Variants in CCDC8 observed in about 807,000 individuals in gnomAD.
CCDC8 encodes the protein coiled-coil domain containing 8 subunit of 3M complex, also known as coiled-coil domain-containing protein 8.
CCDC8 carries 6 observed loss-of-function variants against 5.2 expected under a neutral mutation model. The ratio of observed to expected loss-of-function variants is 1.16; its 90% CI spans 0.63 to 2.28. CCDC8 has a LOEUF of 2.28. Among genes scored for constraint, CCDC8 ranks in the 30% most tolerant of loss-of-function variants. The pLI, the probability that CCDC8 is intolerant of heterozygous loss-of-function variation, is 0.00. For synonymous variants in CCDC8, 310 were observed against 286.5 expected (o/e 1.08, Z -0.83); for missense variants, 724 against 712.2 (o/e 1.02, Z -0.19).
Position 46,413,050 on chromosome 19 carries a change from C to T in CCDC8, c.-240G>A. On this transcript the variant is annotated 5_prime_UTR_variant, in exon 1 of 1. Transcript: ENST00000307522. ...ATATCTGGGGTGAGGGGGCAATGAG[C>T]CCCAACAAACTACTGTAGCCCTTAG... The T allele has an allele frequency of 1.7e-6, 1 of 603,434 alleles. No homozygotes were observed. Among genetic ancestry groups the T allele is most frequent in the Non-Finnish European group, 3.0e-6 (1 of 329,448 alleles). 37.4% of individuals were successfully genotyped at this position (603,434 alleles called of 1,614,324 possible).
At position 46,410,349 on chromosome 19, in the gene CCDC8, T is replaced by G. The variant is rs1304501121; in HGVS notation, c.*845A>C. ...ACCGCTAGCAAATCCACACCTCTGG[T>G]GCCGAGGGCCCCAGAATCTGTGTTT... On this transcript the variant is annotated 3_prime_UTR_variant, in exon 1 of 1. Transcript: ENST00000307522. 2 of 152,184 alleles carry G rather than the reference T, an allele frequency of 1.3e-5. No homozygotes were observed. The highest frequency in any genetic ancestry group is 4.8e-5 in the African/African-American group (2 of 41,436). 9.4% of individuals were successfully genotyped at this position (152,184 alleles called of 1,614,324 possible).
chr19:46,412,479 T>G lies in CCDC8; in HGVS notation c.332A>C (p.Glu111Ala), dbSNP rs1973246293. The change falls in exon 1 of 1, where the codon GAG becomes GCG. Residue 111 changes from glutamate to alanine, a missense_variant. Transcript: ENST00000307522. This position sits in a 1 kb window ranked among gnomAD's most constrained non-coding sequence, Gnocchi z 4.7. ...CTGGCGGCTCTTGTCTCTGGAGGTC[T>G]CGAAGTCGCTGAACTCGCTGTCGCT... ...NASDSEFSDFETSRDKSRQGP... is the reference protein window; with the variant it reads ...NASDSEFSDFATSRDKSRQGP... The G allele has an allele frequency of 6.2e-7, 1 of 1,609,318 alleles. No homozygotes were observed. The highest frequency in any genetic ancestry group is 1.7e-5 in the Admixed American group (1 of 60,008).
In CCDC8 at chr19:46,412,232, C is replaced by A; in HGVS notation, c.579G>T (p.Arg193Ser). 6.2e-7 allele frequency: 1 copy of A among 1,600,768 alleles called. No homozygotes were observed. Among genetic ancestry groups the A allele is most frequent in the Non-Finnish European group, 8.5e-7 (1 of 1,179,866 alleles). Residue 193 changes from arginine (R) to serine (S), a missense_variant, in exon 1 of 1, where the codon AGG (arginine) becomes AGT (serine). Arg to Ser is a moderately radical substitution (Grantham distance 110, BLOSUM62 -1). Transcript: ENST00000307522. This position sits in a 1 kb window ranked among gnomAD's most constrained non-coding sequence, Gnocchi z 4.7. ...NLGPQLSKADRWREYVSQVSW... is the reference protein window; with the variant it reads ...NLGPQLSKADSWREYVSQVSW... The stretch of plus-strand genomic sequence containing the variant: ...ACACCTGGCTGACATACTCCCGCCA[C>A]CTGTCCGCTTTGGACAGCTGAGGCC...
Position 46,412,430 on chromosome 19 carries a change from C to T in CCDC8, c.381G>A (p.Val127=), listed in dbSNP as rs1156790354. Residue 127 remains valine, a synonymous_variant, in exon 1 of 1, where the codon GTG becomes GTA. Coordinates refer to ENST00000307522, the MANE Select transcript of CCDC8 (RefSeq NM_032040.5). The surrounding 1 kb of genome is among the most constrained non-coding windows in gnomAD (Gnocchi z 4.7). The stretch of plus-strand genomic sequence containing the variant: ...CCAGGTAGCTGACGGGCATTTTGCG[C>T]ACCTTCTTGCCCCGCCGCGGGCCCT... ...SRQGPRRGKK[V]RKMPVSYLGS... 17 of 1,612,776 alleles carry T rather than the reference C, an allele frequency of 1.1e-5. No individual in the cohort carries two copies. Among genetic ancestry groups the T allele is most frequent in the Non-Finnish European group, 1.4e-5 (17 of 1,179,994 alleles).
In CCDC8 at chr19:46,412,094, C is replaced by G; in HGVS notation, c.717G>C (p.Ala239=). 6.3e-7 allele frequency: 1 copy of G among 1,599,542 alleles called. No individual in the cohort carries two copies. Among genetic ancestry groups the G allele is most frequent in the Non-Finnish European group, 8.5e-7 (1 of 1,179,960 alleles). The change falls in exon 1 of 1, where the codon GCG becomes GCC. Residue 239 remains alanine (A), a synonymous_variant. Coordinates refer to ENST00000307522, the MANE Select transcript of CCDC8 (RefSeq NM_032040.5). This position sits in a 1 kb window ranked among gnomAD's most constrained non-coding sequence, Gnocchi z 4.7. ...GATCCCCCGGGCTGGTGCCCTCTGG[C>G]GCCGATGATACCCCTGCGCTCTCCA... is the stretch of plus-strand genomic sequence containing the variant. ...TAVESAGVSS[A]PEGTSPGDRL...
At position 46,412,757 on chromosome 19, in the gene CCDC8, C is replaced by A. The variant is rs749470916; in HGVS notation, c.54G>T (p.Arg18Ser). The A allele has an allele frequency of 1.1e-5, 18 of 1,613,990 alleles. No individual in the cohort carries two copies. In the South Asian group the frequency reaches 1.9e-4, roughly 17 times the overall value. ...TGACTCTCCAGACGCCCCCAGCCAG[C>A]CTGACCTCCCGGGGGATGAGCAAAT... ...VDYLLIPREV[R>S]LAGGVWRVIS... The change falls in exon 1 of 1, where the codon AGG becomes AGT. Residue 18 changes from arginine (R) to serine (S), a missense_variant. Transcript: ENST00000307522. The surrounding 1 kb of genome is among the most constrained non-coding windows in gnomAD (Gnocchi z 4.7).
rs1380606214 is a variant in CCDC8, at chr19:46,411,348, C to A, written c.1463G>T (p.Trp488Leu). The stretch of plus-strand genomic sequence containing the variant: ...GAAGGCTCTCCGGCGCTTGCAAAAC[C>A]ACGAAAAGCGTCCAGGGGTCTGGAA... ...VRFQTPGRFS[W>L]FCKRRRAFWH... Residue 488 changes from tryptophan to leucine, a missense_variant, in exon 1 of 1, where the codon TGG (tryptophan) becomes TTG (leucine). Trp to Leu is a moderately conservative substitution (Grantham distance 61). Coordinates refer to ENST00000307522, the MANE Select transcript of CCDC8 (RefSeq NM_032040.5). The A allele has an allele frequency of 1.2e-6, 2 of 1,614,094 alleles. No individual in the cohort carries two copies. Among genetic ancestry groups the A allele is most frequent in the Non-Finnish European group, 1.7e-6 (2 of 1,180,042 alleles).
At position 46,412,320 on chromosome 19, in the gene CCDC8, G is replaced by C. The variant is rs1973243462; in HGVS notation, c.491C>G (p.Pro164Arg). ...EAFLRRQEKQPSAPPARRRVN... is the reference protein window; with the variant it reads ...EAFLRRQEKQRSAPPARRRVN... ...GCGGCGGCGGGCAGGCGGCGCGCTG[G>C]GCTGCTTCTCCTGTCGCCGGAGGAA... Residue 164 changes from proline (P) to arginine (R), a missense_variant, in exon 1 of 1, where the codon CCC becomes CGC. Transcript: ENST00000307522. The surrounding 1 kb of genome is among the most constrained non-coding windows in gnomAD (Gnocchi z 4.7). 25 of 1,611,660 alleles carry C rather than the reference G, an allele frequency of 1.6e-5. No individual in the cohort carries two copies. Among genetic ancestry groups the C allele is most frequent in the Non-Finnish European group, 1.9e-5 (22 of 1,179,952 alleles).
Position 46,412,586 on chromosome 19 carries a change from C to T in CCDC8, c.225G>A (p.Glu75=), listed in dbSNP as rs1489935650. The change falls in exon 1 of 1, where the codon GAG becomes GAA. Residue 75 remains glutamate, a synonymous_variant. Transcript: ENST00000307522. The surrounding 1 kb of genome is among the most constrained non-coding windows in gnomAD (Gnocchi z 4.7). The part of the protein sequence containing the change: ...HPPQPPKKPK[E]PRVRRRVQQM... Reference sequence around the variant, plus strand: ...GCTGCACTCTCCTCCTCACTCGGGGCTCCTTGGGCTTTTTGGGGGGCTGGG... The same window carrying T: ...GCTGCACTCTCCTCCTCACTCGGGGTTCCTTGGGCTTTTTGGGGGGCTGGG... 4 of 1,603,346 alleles carry T rather than the reference C, an allele frequency of 2.5e-6. No homozygotes were observed. The highest frequency in any genetic ancestry group is 2.7e-5 in the African/African-American group (2 of 74,582).
At position 46,411,468 on chromosome 19, in the gene CCDC8, G is replaced by A. The variant is rs1568588972; in HGVS notation, c.1343C>T (p.Ala448Val). ...AEAAHNQRAG[A>V]PGIQEAEVSA... is the part of the protein sequence containing the mutation. ...GACTTCAGCTTCCTGGATACCTGGG[G>A]CCCCTGCCCTCTGATTATGTGCAGC... The change falls in exon 1 of 1, where the codon GCC becomes GTC. Residue 448 changes from alanine to valine, a missense_variant. Physicochemically the swap from Ala to Val is moderately conservative, Grantham distance 64 (BLOSUM62 0). Coordinates refer to ENST00000307522, the MANE Select transcript of CCDC8 (RefSeq NM_032040.5). The A allele has an allele frequency of 6.2e-7, 1 of 1,614,170 alleles. No individual in the cohort carries two copies. The highest frequency in any genetic ancestry group is 1.1e-5 in the South Asian group (1 of 91,084).
chr19:46,410,909 C>G lies in CCDC8; in HGVS notation c.*285G>C, dbSNP rs1159931290. On this transcript the variant is annotated 3_prime_UTR_variant, in exon 1 of 1. Coordinates refer to ENST00000307522, the MANE Select transcript of CCDC8 (RefSeq NM_032040.5). ...TGGTGGCTCACATCTGTAATCCCAG[C>G]ATTTTGGGAGGCCGAGGCAGGAGGA... 1 of 391,128 alleles carries G rather than the reference C, an allele frequency of 2.6e-6. No homozygotes were observed. The highest frequency in any genetic ancestry group is 2.0e-5 in the African/African-American group (1 of 49,416). The allele number at this position is 391,128 out of a possible 1,614,324, so 24.2% of individuals were successfully genotyped here.
Position 46,413,040 on chromosome 19 carries a change from G to A in CCDC8, c.-230C>T, listed in dbSNP as rs993855259. On this transcript the variant is annotated 5_prime_UTR_variant, in exon 1 of 1. Transcript: ENST00000307522. ...CTCCAGGGTGATATCTGGGGTGAGG[G>A]GGCAATGAGCCCCAACAAACTACTG... 4.5e-5 allele frequency: 28 copies of A among 616,502 alleles called. No individual in the cohort carries two copies. The African/African-American group carries it at 4.8e-4, about 11-fold the overall frequency. The allele number at this position is 616,502 out of a possible 1,614,324, so 38.2% of individuals were successfully genotyped here. A position where few individuals can be genotyped will look rare whatever the true frequency, so the allele number is the denominator to read the frequency against.
At position 46,411,233 on chromosome 19, in the gene CCDC8, T is replaced by A. The variant is rs775205738; in HGVS notation, c.1578A>T (p.Arg526Ser). 6.2e-7 allele frequency: 1 copy of A among 1,614,168 alleles called. No homozygotes were observed. The change falls in exon 1 of 1, where the codon AGA (arginine) becomes AGT (serine). Residue 526 changes from arginine (R) to serine (S), a missense_variant. By Grantham distance (110) the Arg-to-Ser change is moderately radical. Transcript: ENST00000307522. ...CTTGCTCTCCCTGCTCAGCTTCTGC[T>A]CTGGCCTCGGCCCTCAGCACCCTGA... ...RNLRVLRAEA[R>S]AEAEQGEQED...
At position 46,411,027 on chromosome 19, in the gene CCDC8, A is replaced by T. The variant is rs551419868; in HGVS notation, c.*167T>A. On this transcript the variant is annotated 3_prime_UTR_variant, in exon 1 of 1. Coordinates refer to ENST00000307522, the MANE Select transcript of CCDC8 (RefSeq NM_032040.5). ...ACAGAGTGAGACCCTGTCTCTAAAA[A>T]ATTTAAAAAAAAATCAAAGCATGAA... is the stretch of plus-strand genomic sequence containing the variant. 4.7e-6 allele frequency: 4 copies of T among 843,424 alleles called. No individual in the cohort carries two copies. In the South Asian group the frequency reaches 5.3e-5, roughly 11 times the overall value. The allele number at this position is 843,424 out of a possible 1,614,324, so 52.2% of individuals were successfully genotyped here.
Position 46,411,612 on chromosome 19 carries a change from C to G in CCDC8, c.1199G>C (p.Gly400Ala). ...CCTTTGATTATCTGTAACCTCTGAC[C>G]CCTGGTCAGCTGGGGCCTCCGCCCT... ...NQRAEAPADQGSEVTDNQREE... is the reference protein window; with the variant it reads ...NQRAEAPADQASEVTDNQREE... Residue 400 changes from glycine (G) to alanine (A), a missense_variant, in exon 1 of 1, where the codon GGG becomes GCG. By Grantham distance (60) the Gly-to-Ala change is moderately conservative. Transcript: ENST00000307522. 1 of 1,613,856 alleles carries G rather than the reference C, an allele frequency of 6.2e-7. No individual in the cohort carries two copies. Among genetic ancestry groups the G allele is most frequent in the Non-Finnish European group, 8.5e-7 (1 of 1,179,970 alleles).
Position 46,412,298 on chromosome 19 carries a change from G to A in CCDC8, c.513C>T (p.Arg171=). The change falls in exon 1 of 1, where the codon CGC becomes CGT. Residue 171 remains arginine, a synonymous_variant. Transcript: ENST00000307522. This position sits in a 1 kb window ranked among gnomAD's most constrained non-coding sequence, Gnocchi z 4.7. ...EKQPSAPPAR[R]RVNLPVPMFE... is the part of the protein sequence containing the mutation. ...ACATGGGCACTGGCAGGTTGACGCGGCGGCGGGCAGGCGGCGCGCTGGGCT... is the reference window on the plus strand; with the variant it reads ...ACATGGGCACTGGCAGGTTGACGCGACGGCGGGCAGGCGGCGCGCTGGGCT... 6.2e-7 allele frequency: 1 copy of A among 1,608,748 alleles called. No individual in the cohort carries two copies.
Position 46,412,858 on chromosome 19 carries a change from T to C in CCDC8, c.-48A>G. 1 of 1,609,884 alleles carries C rather than the reference T, an allele frequency of 6.2e-7. No individual in the cohort carries two copies. The highest frequency in any genetic ancestry group is 8.5e-7 in the Non-Finnish European group (1 of 1,177,928). ...TTGCGGAACACCTTGCCGATCTTCT[T>C]AAATGTCCCCACGGGCTTTAGGGCT... On this transcript the variant is annotated 5_prime_UTR_variant, in exon 1 of 1. Transcript: ENST00000307522. This position sits in a 1 kb window ranked among gnomAD's most constrained non-coding sequence, Gnocchi z 4.7.
rs1423582593 is a variant in CCDC8 at position 46,412,752 on chromosome 19, G to C, written c.59C>G (p.Ala20Gly). Reference sequence around the variant, plus strand: ...AGAGATGACTCTCCAGACGCCCCCAGCCAGCCTGACCTCCCGGGGGATGAG... The same window carrying C: ...AGAGATGACTCTCCAGACGCCCCCACCCAGCCTGACCTCCCGGGGGATGAG... ...YLLIPREVRL[A>G]GGVWRVISKP... Residue 20 changes from alanine to glycine, a missense_variant, in exon 1 of 1, where the codon GCT (alanine) becomes GGT (glycine). Transcript: ENST00000307522. The surrounding 1 kb of genome is among the most constrained non-coding windows in gnomAD (Gnocchi z 4.7). The C allele has an allele frequency of 5.0e-6, 8 of 1,613,956 alleles. No homozygotes were observed. In the Admixed American group the frequency reaches 1.2e-4, roughly 24 times the overall value.
chr19:46,412,659 G>A lies in CCDC8; in HGVS notation c.152C>T (p.Thr51Ile), dbSNP rs374060599. The change falls in exon 1 of 1, where the codon ACC becomes ATC. Residue 51 changes from threonine to isoleucine, a missense_variant. Transcript: ENST00000307522. The surrounding 1 kb of genome is among the most constrained non-coding windows in gnomAD (Gnocchi z 4.7). ...CATGATGCGGGCCACGTCCTCCAGG[G>A]TGCGGCCCTCTTCTTCCAGGAACTG... The part of the protein sequence containing the change: ...LTQFLEEEGR[T>I]LEDVARIMEK... 2.5e-6 allele frequency: 4 copies of A among 1,609,416 alleles called. No individual in the cohort carries two copies. The African/African-American group carries it at 5.3e-5, about 21-fold the overall frequency.
Sources: allele counts gnomAD v4.1 joint callset, GRCh38; gene constraint gnomAD v4.1.1; non-coding constraint Gnocchi (gnomAD v3.1); transcripts MANE v1.5; gene names NCBI Gene and HGNC (gene_info 2026-07-23, HGNC 2026-07-21).